The following DIS3L2 variants were observed in gnomAD, a reference collection of about 807,000 sequenced individuals.
DIS3L2 encodes the protein DIS3 like 3'-5' exoribonuclease 2.
DIS3L2 carries 34 observed loss-of-function variants against 97.5 expected under a neutral mutation model. The ratio of observed to expected loss-of-function variants is 0.35; its 90% CI spans 0.27 to 0.46. The LOEUF is 0.46. Among genes scored for constraint, DIS3L2 ranks in the 20% least tolerant of loss-of-function variants. The probability of loss-of-function intolerance (pLI) is 1.00; values close to 1 mark genes in which losing one functional copy is unlikely to be tolerated. For synonymous variants in DIS3L2, 435 were observed against 445.2 expected (o/e 0.98, Z 0.29); for missense variants, 1,038 against 1,146.0 (o/e 0.91, Z 1.36).
chr2:232,203,973 TA>T (rs1480875179), intron 9 of DIS3L2, among the ~76,000 whole-genome samples: 2 of 152,240 alleles, frequency 1.3e-5, no homozygotes, highest in East Asian at 3.9e-4. Context: ...GCATGCAGTC[TA>T]ACTGGAAAAG....
Position 232,087,384 on chromosome 2 carries a change from C to T in DIS3L2, c.367-103C>T, listed in dbSNP as rs376382486. ...GAACTACATGATTAGTGTCCAATAC[C>T]GTTAGCTTCTGAATATGCAGTTTCT... On this transcript the variant is annotated intron_variant, in intron 5 of 20. Coordinates refer to ENST00000325385, the MANE Select transcript of DIS3L2 (RefSeq NM_152383.5). 53 of 806,172 alleles carry T rather than the reference C, an allele frequency of 6.6e-5. 1 individual carries two copies. The highest frequency in any genetic ancestry group is 4.7e-4 in the African/African-American group (27 of 57,348). The allele number at this position is 806,172 out of a possible 1,614,324, so 49.9% of individuals were successfully genotyped here.
intron 13 of DIS3L2, among the ~76,000 whole-genome samples, chr2:232,290,827 C>G (rs1323196486): frequency 6.6e-6 from 1 of 152,196 alleles, no homozygotes; most frequent in Non-Finnish European, 1.5e-5. Context: ...GACTTTCCAA[C>G]ACTAATGAAT....
At chr2:232,055,293 T>A (rs1695517276) in intron 5 of DIS3L2, among the ~76,000 whole-genome samples, 1 of 152,214 alleles carries the variant, frequency 6.6e-6, no homozygotes, top group African/African-American at 2.4e-5. Context: ...ACAGTACTCA[T>A]CATTTTCAGA....
chr2:232,084,350 G>A (rs566368174), intron 5 of DIS3L2, among the ~76,000 whole-genome samples: 9 of 151,986 alleles, frequency 5.9e-5, no homozygotes, highest in East Asian at 5.8e-4. Context: ...GATGTTTTTC[G>A]GATTTTGGAA....
At chr2:232,108,669 G>A (rs1291743656) in intron 6 of DIS3L2, among the ~76,000 whole-genome samples, 1 of 152,194 alleles carries the variant, frequency 6.6e-6, no homozygotes, top group East Asian at 1.9e-4. Flanking sequence ...CATAGTGTCA[G>A]CCCAAAAGCT....
intron 3 of DIS3L2, among the ~76,000 whole-genome samples, chr2:232,019,837 A>G (rs1164363782): frequency 6.6e-6 from 1 of 152,074 alleles, no homozygotes; most frequent in East Asian, 1.9e-4. Flanking sequence ...AAAAACAACT[A>G]AAGAAAAAGA....
chr2:232,214,417 G>A (rs926287205), intron 10 of DIS3L2, among the ~76,000 whole-genome samples: 1 of 152,072 alleles, frequency 6.6e-6, no homozygotes, highest in Non-Finnish European at 1.5e-5. Flanking sequence ...CCACTCATTA[G>A]TCCCATTTAT....
At chr2:232,083,082 C>T (rs989357925) in intron 5 of DIS3L2, among the ~76,000 whole-genome samples, 17 of 148,350 alleles carry the variant, frequency 1.1e-4, no homozygotes, top group African/African-American at 4.2e-4. Context: ...CCCCATGATT[C>T]AATTACCTCC....
chr2:232,341,946 G>A (rs1416092840), downstream of DIS3L2, among the ~76,000 whole-genome samples: 1 of 152,202 alleles, frequency 6.6e-6, no homozygotes, highest in Non-Finnish European at 1.5e-5. Context: ...CTGCAAGCCA[G>A]GCCCGCTGAG....
intron 5 of DIS3L2, among the ~76,000 whole-genome samples, chr2:232,084,374 C>T (rs928702018): frequency 1.3e-5 from 2 of 151,988 alleles, no homozygotes; most frequent in Non-Finnish European, 2.9e-5. Context: ...TTACATTATA[C>T]CAGTTGAGCA....
At chr2:232,125,234 C>G (rs1478683407) in intron 6 of DIS3L2, among the ~76,000 whole-genome samples, 3 of 152,258 alleles carry the variant, frequency 2.0e-5, no homozygotes, top group African/African-American at 7.2e-5. Flanking sequence ...TGCCAGCAGT[C>G]ATGAACAGCA....
chr2:232,341,110 A>G, downstream of DIS3L2: 2 of 368,202 alleles, frequency 5.4e-6, no homozygotes, highest in Non-Finnish European at 1.1e-5. Context: ...AAAACACTGC[A>G]GACAGGTGAG....
At chr2:232,101,391 C>T (rs1176386668) in intron 6 of DIS3L2, among the ~76,000 whole-genome samples, 1 of 45,406 alleles carries the variant, frequency 2.2e-5, no homozygotes, top group Non-Finnish European at 4.3e-5. Flanking sequence ...TAGAATATAC[C>T]TAGATGTATT....
chr2:232,299,273 G>A (rs768821975), intron 13 of DIS3L2, among the ~76,000 whole-genome samples: 2 of 152,214 alleles, frequency 1.3e-5, no homozygotes, highest in Non-Finnish European at 2.9e-5. Flanking sequence ...CTGCTCTGTG[G>A]TCTGTGGTCT....
chr2:232,205,929 A>G (rs1692016521), intron 9 of DIS3L2, among the ~76,000 whole-genome samples: 1 of 152,198 alleles, frequency 6.6e-6, no homozygotes, highest in Non-Finnish European at 1.5e-5. Flanking sequence ...AGTGTACTCT[A>G]TAAAAGGATA....
intron 14 of DIS3L2, 24 bp from the exon 15 acceptor site, chr2:232,329,789 T>TTG: frequency 5.8e-4 from 215 of 368,416 alleles, no homozygotes; most frequent in Non-Finnish European, 9.6e-4. Flanking sequence ...CAGCGGTCCC[T>TTG]CCCATCCCAC....
intron 4 of DIS3L2, among the ~76,000 whole-genome samples, chr2:232,028,998 C>A (rs921050071): frequency 6.6e-6 from 1 of 152,118 alleles, no homozygotes; most frequent in Non-Finnish European, 1.5e-5. Context: ...TGCCCCTCCC[C>A]CTTTTTTTGA....
intron 14 of DIS3L2, among the ~76,000 whole-genome samples, chr2:232,317,738 C>CAG (rs1695316745): frequency 6.6e-6 from 1 of 152,114 alleles, no homozygotes; most frequent in Non-Finnish European, 1.5e-5. Context: ...CTCCTAGCCT[C>CAG]TTCTATTTTT....
chr2:232,342,602 T>C (rs754618044), intron 13 of DIS3L2, among the ~76,000 whole-genome samples: 1 of 152,220 alleles, frequency 6.6e-6, no homozygotes, highest in African/African-American at 2.4e-5. Flanking sequence ...ACATTCAGCA[T>C]AGGGTGTATG....
Sources: allele counts gnomAD v4.1 joint callset (sites outside exome capture counted in the v4.1 genomes callset), GRCh38; gene constraint gnomAD v4.1.1; transcripts MANE v1.5; gene names NCBI Gene and HGNC (gene_info 2026-07-23, HGNC 2026-07-21).